The following DTNA variants were observed in gnomAD, a reference collection of about 807,000 sequenced individuals.
The protein encoded by DTNA is dystrophin-related protein 3.
A neutral mutation model predicts 100.7 loss-of-function variants in DTNA; 43 were observed. The observed-to-expected ratio is 0.43, with a 90% CI of 0.33 to 0.55. DTNA has a LOEUF of 0.55. Among genes scored for constraint, DTNA ranks in the 20% least tolerant of loss-of-function variants. The probability of loss-of-function intolerance (pLI) is 0.04; values close to 1 mark genes in which losing one functional copy is unlikely to be tolerated. For synonymous variants in DTNA, 349 were observed against 347.9 expected, an observed-to-expected ratio of 1.00 and a Z score of -0.04; for missense variants, 798 against 953.9, an observed-to-expected ratio of 0.84 and a Z score of 2.15.
At chr18:34,868,464 G>T in intron 17 of DTNA, 2 of 984,660 alleles carry the variant, frequency 2.0e-6, no homozygotes, top group South Asian at 9.4e-5. Context: ...TCTAAGGAGA[G>T]AATTTAGAGG....
At chr18:34,532,169 A>T (rs548001235) in intron 1 of DTNA, among the ~76,000 whole-genome samples, 1 of 152,166 alleles carries the variant, frequency 6.6e-6, no homozygotes, top group African/African-American at 2.4e-5. Flanking sequence ...GTATGCATAG[A>T]TTAGTTTAAA....
chr18:34,627,910 C>T (rs1254708041), intron 1 of DTNA, among the ~76,000 whole-genome samples: 1 of 152,136 alleles, frequency 6.6e-6, no homozygotes, highest in African/African-American at 2.4e-5. Flanking sequence ...TTCCATGGTA[C>T]ACCCTTCTGT....
intron 8 of DTNA, among the ~76,000 whole-genome samples, chr18:34,819,032 C>T (rs2095653629): frequency 6.6e-6 from 1 of 152,098 alleles, no homozygotes; most frequent in Admixed American, 6.6e-5. Flanking sequence ...TCGTTAAACT[C>T]AAAGATCAGT....
chr18:34,829,205 G>T, intron 10 of DTNA, 195 bp from the exon 11 acceptor site: 1 of 1,574,664 alleles, frequency 6.4e-7, no homozygotes, highest in Non-Finnish European at 8.6e-7. Flanking sequence ...AGTCATTTTG[G>T]AATGTTCTCT....
At chr18:34,772,924 G>A (rs1293567243) in intron 3 of DTNA, among the ~76,000 whole-genome samples, 2 of 152,204 alleles carry the variant, frequency 1.3e-5, no homozygotes, top group Non-Finnish European at 2.9e-5. Flanking sequence ...TTATTTTCTT[G>A]TGGTTGTAGG....
chr18:34,814,205 C>T (rs1453960691), intron 6 of DTNA, among the ~76,000 whole-genome samples: 2 of 152,070 alleles, frequency 1.3e-5, no homozygotes, highest in African/African-American at 4.8e-5. Context: ...TGATCTGACT[C>T]AAGGAAATGT....
intron 14 of DTNA, among the ~76,000 whole-genome samples, 173 bp from the exon 15 acceptor site, chr18:34,851,658 C>T (rs2096480946): frequency 6.6e-6 from 1 of 152,190 alleles, no homozygotes; most frequent in African/African-American, 2.4e-5. Context: ...TCCAGATCCA[C>T]AGAAAAGTTG....
chr18:34,833,152 AAG>A (rs1240992597), intron 11 of DTNA, among the ~76,000 whole-genome samples: 4 of 152,196 alleles, frequency 2.6e-5, no homozygotes, highest in African/African-American at 9.6e-5. Context: ...TGTTCAATAA[AAG>A]AAAAAATAAT....
At chr18:34,887,144 C>T (rs1239471806) in intron 22 of DTNA, among the ~76,000 whole-genome samples, 1 of 152,050 alleles carries the variant, frequency 6.6e-6, no homozygotes, top group Non-Finnish European at 1.5e-5. Flanking sequence ...GAGCTTTAGG[C>T]TTATTTGAAA....
intron 18 of DTNA, among the ~76,000 whole-genome samples, chr18:34,877,089 A>G (rs1014833925): frequency 1.3e-5 from 2 of 152,212 alleles, no homozygotes; most frequent in East Asian, 3.8e-4. Flanking sequence ...AATTTATAGT[A>G]CCAGACATGC....
At chr18:34,826,480 A>G (rs1465195280) in intron 9 of DTNA, among the ~76,000 whole-genome samples, 3 of 152,164 alleles carry the variant, frequency 2.0e-5, no homozygotes, top group African/African-American at 7.2e-5. Flanking sequence ...GGGATATGCA[A>G]GTCTACCTTT....
intron 1 of DTNA, among the ~76,000 whole-genome samples, chr18:34,590,776 G>C (rs1465050871): frequency 6.6e-6 from 1 of 152,176 alleles, no homozygotes; most frequent in Non-Finnish European, 1.5e-5. Flanking sequence ...TAGTGCTTAT[G>C]AAAGAGGAAA....
intron 1 of DTNA, among the ~76,000 whole-genome samples, chr18:34,545,711 C>CT (rs2044709543): frequency 6.6e-6 from 1 of 151,936 alleles, no homozygotes; most frequent in South Asian, 2.1e-4. Context: ...CTGCCCAACT[C>CT]TAAGATTTTA....
chr18:34,516,614 G>A (rs1222765164), intron 1 of DTNA, among the ~76,000 whole-genome samples: 1 of 152,018 alleles, frequency 6.6e-6, no homozygotes, highest in Non-Finnish European at 1.5e-5. Context: ...CCCTAGGAAC[G>A]CATTCTCTTT....
chr18:34,790,567 A>ATATATATATATATATTTTTTTTTTT (rs2094687460), intron 3 of DTNA, among the ~76,000 whole-genome samples: 2 of 39,660 alleles, frequency 5.0e-5, no homozygotes, highest in African/African-American at 1.8e-4. Context: ...ATATATATAT[A>ATATATATATATATATTTTTTTTTTT]TTTTTTTTTT....
intron 1 of DTNA, among the ~76,000 whole-genome samples, chr18:34,671,219 C>A (rs1276456004): frequency 6.6e-6 from 1 of 152,194 alleles, no homozygotes; most frequent in African/African-American, 2.4e-5. Flanking sequence ...GGGCGTGAGA[C>A]CCTCCGAGCC....
chr18:34,679,157 G>A (rs970309274), intron 1 of DTNA, among the ~76,000 whole-genome samples: 3 of 152,250 alleles, frequency 2.0e-5, no homozygotes, highest in East Asian at 1.9e-4. Flanking sequence ...AATCCATAGA[G>A]CTATATCAGG....
At chr18:34,857,031 G>A (rs987473012) in intron 15 of DTNA, among the ~76,000 whole-genome samples, 3 of 152,150 alleles carry the variant, frequency 2.0e-5, no homozygotes, top group African/African-American at 7.2e-5. Context: ...GGGCACCTGG[G>A]AGGGCACAGC....
intron 1 of DTNA, among the ~76,000 whole-genome samples, chr18:34,521,949 G>T (rs565401379): frequency 6.6e-6 from 1 of 152,088 alleles, no homozygotes; most frequent in Admixed American, 6.6e-5. Flanking sequence ...TCTGTTTCTT[G>T]TTCACCTTTA....
Sources: allele counts gnomAD v4.1 joint callset (sites outside exome capture counted in the v4.1 genomes callset), GRCh38; gene constraint gnomAD v4.1.1; transcripts MANE v1.5; gene names NCBI Gene and HGNC (gene_info 2026-07-23, HGNC 2026-07-21).